The following PSTPIP2 variants were observed in gnomAD, a reference collection of about 807,000 sequenced individuals.
PSTPIP2 encodes the protein proline-serine-threonine phosphatase-interacting protein 2.
A neutral mutation model predicts 63.3 loss-of-function variants in PSTPIP2; 33 were observed. That is an observed-to-expected ratio of 0.52 (90% confidence interval 0.40 to 0.70). PSTPIP2 has a LOEUF of 0.70. PSTPIP2 is among the 30% of genes least tolerant of loss of function. The pLI, the probability that PSTPIP2 is intolerant of heterozygous loss-of-function variation, is 0.00. For synonymous variants in PSTPIP2, 125 were observed against 132.7 expected (o/e 0.94, Z 0.40); for missense variants, 312 against 400.7 (o/e 0.78, Z 1.89).
chr18:46,015,746 C>G (rs530899347), intron 4 of PSTPIP2, among the ~76,000 whole-genome samples, 157 bp downstream of exon 4: 2 of 152,232 alleles, frequency 1.3e-5, no homozygotes, highest in African/African-American at 4.8e-5. Context: ...TTCTCCAGCT[C>G]ATTTCGAGCC....
At chr18:45,985,803 G>A (rs572134927) in intron 14 of PSTPIP2, among the ~76,000 whole-genome samples, 33 of 147,854 alleles carry the variant, frequency 2.2e-4, no homozygotes, top group African/African-American at 8.3e-4. Flanking sequence ...TTGAGACAGA[G>A]TCTTGCTGTG....
At chr18:46,052,008 C>T (rs942676016) in intron 1 of PSTPIP2, among the ~76,000 whole-genome samples, 2 of 152,212 alleles carry the variant, frequency 1.3e-5, no homozygotes, top group Non-Finnish European at 2.9e-5. Flanking sequence ...CCTGGGCATG[C>T]CCAAGACAGG....
intron 1 of PSTPIP2, among the ~76,000 whole-genome samples, chr18:46,055,074 A>T (rs755761659): frequency 6.6e-6 from 1 of 152,112 alleles, no homozygotes; most frequent in African/African-American, 2.4e-5. Context: ...CCTGCTTCCT[A>T]CTAAAGTCGC....
chr18:45,998,177 A>C (rs1198758815), intron 8 of PSTPIP2, among the ~76,000 whole-genome samples: 1 of 152,226 alleles, frequency 6.6e-6, no homozygotes, highest in Admixed American at 6.5e-5. Context: ...TGTCTGATGA[A>C]GGATGCAGAG....
At chr18:45,987,963 G>A (rs952859639) in intron 14 of PSTPIP2, among the ~76,000 whole-genome samples, 2 of 152,206 alleles carry the variant, frequency 1.3e-5, no homozygotes, top group Admixed American at 6.5e-5. Context: ...ATGACCTTGT[G>A]TGTATAATGA....
At chr18:46,065,314 T>G (rs1909148272) in intron 1 of PSTPIP2, among the ~76,000 whole-genome samples, 2 of 150,972 alleles carry the variant, frequency 1.3e-5, no homozygotes, top group Non-Finnish European at 2.9e-5. Flanking sequence ...TTTTTTGAGA[T>G]GTAGTCTGGC....
intron 1 of PSTPIP2, 41 bp from the exon 2 acceptor site, chr18:46,040,088 G>C: frequency 6.8e-7 from 1 of 1,475,772 alleles, no homozygotes. Flanking sequence ...GGAACAGAAG[G>C]CAGCCCCCAA....
At chr18:46,017,318 T>C (rs2051862862) in intron 3 of PSTPIP2, among the ~76,000 whole-genome samples, 1 of 152,216 alleles carries the variant, frequency 6.6e-6, no homozygotes, top group African/African-American at 2.4e-5. Context: ...TGGATGCCTT[T>C]AGGACTTTTT....
chr18:46,005,609 C>T (rs2051717169), intron 5 of PSTPIP2, 78 bp from the exon 6 acceptor site: 1 of 1,100,240 alleles, frequency 9.1e-7, no homozygotes, highest in Non-Finnish European at 1.3e-6. Context: ...TCAATACCAG[C>T]TTATCTTGAG....
At chr18:46,047,536 G>A (rs1297688718) in intron 1 of PSTPIP2, among the ~76,000 whole-genome samples, 1 of 152,168 alleles carries the variant, frequency 6.6e-6, no homozygotes, top group African/African-American at 2.4e-5. Flanking sequence ...AGGTTGTGGT[G>A]AGCTGAGATC....
intron 14 of PSTPIP2, 53 bp downstream of exon 14, chr18:45,988,649 C>T (rs2051492044): frequency 3.4e-6 from 5 of 1,449,734 alleles, no homozygotes; most frequent in Non-Finnish European, 4.8e-6. Context: ...GCTTCAATAG[C>T]ACAATTACCA....
At chr18:46,048,445 C>T (rs1908460419) in intron 1 of PSTPIP2, among the ~76,000 whole-genome samples, 1 of 152,184 alleles carries the variant, frequency 6.6e-6, no homozygotes, top group Admixed American at 6.5e-5. Context: ...TAATTTGTTA[C>T]AGCAGCAACA....
intron 1 of PSTPIP2, among the ~76,000 whole-genome samples, chr18:46,041,950 G>A (rs554399957): frequency 1.3e-5 from 2 of 152,176 alleles, no homozygotes; most frequent in South Asian, 4.1e-4. Flanking sequence ...ACCCAGCCCT[G>A]GACACTGGAG....
intron 9 of PSTPIP2, 74 bp from the exon 10 acceptor site, chr18:45,993,777 G>C: frequency 7.8e-7 from 1 of 1,286,522 alleles, no homozygotes; most frequent in South Asian, 1.2e-5. Context: ...TGTGACTTAA[G>C]AAACAGTGTC....
chr18:45,991,718 C>T (rs1232693099), intron 12 of PSTPIP2, among the ~76,000 whole-genome samples, 184 bp downstream of exon 12: 2 of 152,162 alleles, frequency 1.3e-5, no homozygotes, highest in African/African-American at 4.8e-5. Flanking sequence ...ATACTCCTCC[C>T]TGAACTATGA....
chr18:46,029,119 C>T, intron 2 of PSTPIP2: 1 of 827,274 alleles, frequency 1.2e-6, no homozygotes, highest in Admixed American at 1.7e-5. Flanking sequence ...TATTTTAGTG[C>T]TAATGGGGAA....
chr18:46,045,225 G>A (rs951531333), intron 1 of PSTPIP2, among the ~76,000 whole-genome samples: 21 of 152,050 alleles, frequency 1.4e-4, no homozygotes, highest in African/African-American at 4.3e-4. Context: ...TGTTTATTGC[G>A]GCACTATTCA....
rs890606940 is a variant in PSTPIP2 at position 46,011,201 on chromosome 18, G to C, written c.334C>G (p.Gln112Glu). The change falls in exon 5 of 15, where the codon CAA becomes GAA. Residue 112 changes from glutamine (Q) to glutamate (E), a missense_variant. By Grantham distance (29) the Gln-to-Glu change is conservative (BLOSUM62 2). Coordinates refer to ENST00000409746, the MANE Select transcript of PSTPIP2 (RefSeq NM_024430.4). ...CCAACCTTTTTTCGTTGTAGTTTTTGCTTTTCCCTGAATTCTTCCATCTTC... is the reference window on the plus strand; with the variant it reads ...CCAACCTTTTTTCGTTGTAGTTTTTCCTTTTCCCTGAATTCTTCCATCTTC... Reference protein sequence around the residue: ...ARKMEEFREKQKLQRKKTELI... With the variant: ...ARKMEEFREKEKLQRKKTELI... The C allele has an allele frequency of 1.4e-5, 23 of 1,613,468 alleles. No homozygotes were observed. In the Admixed American group the frequency reaches 3.2e-4, roughly 22 times the overall value.
chr18:46,016,546 C>T (rs1199848118), intron 3 of PSTPIP2, among the ~76,000 whole-genome samples: 1 of 152,040 alleles, frequency 6.6e-6, no homozygotes, highest in Non-Finnish European at 1.5e-5. Context: ...ATCAGTCCTA[C>T]AAGACAGACC....
Sources: allele counts gnomAD v4.1 joint callset (sites outside exome capture counted in the v4.1 genomes callset), GRCh38; gene constraint gnomAD v4.1.1; transcripts MANE v1.5; gene names NCBI Gene and HGNC (gene_info 2026-07-23, HGNC 2026-07-21).